The following PRP4K variants were observed in gnomAD, a reference collection of about 807,000 sequenced individuals.
PRP4K encodes the protein pre-mRNA processing factor kinase PRP4K, also known as serine/threonine-protein kinase PRP4 homolog.
At chr6:4,023,172 CAT>C in the PRP4K span, among the ~76,000 whole-genome samples, 1 of 152,170 alleles carries the variant, frequency 6.6e-6, no homozygotes, top group Non-Finnish European at 1.5e-5. Flanking sequence ...GCCTGGTGCT[CAT>C]AGTGAGTCCC....
At chr6:4,061,000 T>C in the PRP4K span, 1 of 237,026 alleles carries the variant, frequency 4.2e-6, no homozygotes, top group South Asian at 5.7e-5. The surrounding 1 kb of genome is among the most constrained non-coding windows in gnomAD (Gnocchi z 4.7). Flanking sequence ...GCTGTTTATA[T>C]TCACGTTTTC....
the PRP4K span, among the ~76,000 whole-genome samples, chr6:4,042,907 G>T: frequency 7.2e-5 from 11 of 152,190 alleles, no homozygotes; most frequent in Admixed American, 7.2e-4. Flanking sequence ...AAAAAATTAT[G>T]CATGTTACTG....
the PRP4K span, among the ~76,000 whole-genome samples, chr6:4,053,759 T>A: frequency 6.6e-6 from 1 of 152,200 alleles, no homozygotes. Flanking sequence ...TTCATTTTTT[T>A]AAAATGGGTT....
the PRP4K span, chr6:4,051,888 A>G: frequency 9.5e-7 from 1 of 1,048,904 alleles, no homozygotes; most frequent in Admixed American, 3.1e-5. Context: ...GGGGCTAGCA[A>G]ATACATTATT....
the PRP4K span, chr6:4,061,409 C>T: frequency 6.6e-6 from 1 of 152,536 alleles, no homozygotes; most frequent in Admixed American, 6.5e-5. Context: ...AATCAACTTG[C>T]TATAGACTTT....
the PRP4K span, among the ~76,000 whole-genome samples, chr6:4,054,459 C>T: frequency 1.1e-5 from 1 of 92,008 alleles, no homozygotes; most frequent in South Asian, 4.0e-4. Context: ...ATGGTAGGTA[C>T]ATTAAAAATG....
chr6:4,024,561 A>T, the PRP4K span, among the ~76,000 whole-genome samples: 1 of 152,098 alleles, frequency 6.6e-6, no homozygotes, highest in Non-Finnish European at 1.5e-5. Flanking sequence ...GTTTGGAAAA[A>T]AATGTGAAAG....
chr6:4,042,448 T>C, the PRP4K span: 1 of 1,480,556 alleles, frequency 6.8e-7, no homozygotes, highest in Non-Finnish European at 9.3e-7. Context: ...AGGGGTATGG[T>C]TTTAGAATCT....
the PRP4K span, chr6:4,021,560 G>C: frequency 1.1e-5 from 17 of 1,515,326 alleles, no homozygotes; most frequent in Middle Eastern, 4.5e-4. Flanking sequence ...GCCTAACGGC[G>C]AGAGTCAAAC....
the PRP4K span, among the ~76,000 whole-genome samples, chr6:4,044,576 G>A: frequency 2.0e-5 from 3 of 152,254 alleles, no homozygotes; most frequent in Non-Finnish European, 4.4e-5. Flanking sequence ...TCGATCTGGT[G>A]CTGTTATTTT....
the PRP4K span, chr6:4,058,653 A>C: frequency 6.1e-6 from 6 of 978,082 alleles, no homozygotes; most frequent in South Asian, 1.4e-5. Context: ...TATTTGACTT[A>C]TTGTATATTA....
chr6:4,040,599 A>G, the PRP4K span, among the ~76,000 whole-genome samples: 1 of 152,250 alleles, frequency 6.6e-6, no homozygotes, highest in African/African-American at 2.4e-5. Flanking sequence ...TCTTTTACTT[A>G]AAATTTTCAA....
chr6:4,038,449 CTT>C, the PRP4K span, among the ~76,000 whole-genome samples: 4 of 144,190 alleles, frequency 2.8e-5, no homozygotes, highest in Non-Finnish European at 1.5e-5. Context: ...CCATGCCCAG[CTT>C]TTTTTTTTTT....
the PRP4K span, chr6:4,037,455 A>G: frequency 1.5e-5 from 24 of 1,614,154 alleles, 1 homozygote; most frequent in Non-Finnish European, 1.9e-5. Context: ...TGCCAGCCCC[A>G]TCAATAGATG....
At chr6:4,027,592 CGG>C in the PRP4K span, among the ~76,000 whole-genome samples, 24 of 7,916 alleles carry the variant, frequency 3.0e-3, 1 homozygote, top group Admixed American at 4.2e-3. Context: ...GCTTATTTGG[CGG>C]AGGGGTGGGG....
At chr6:4,062,686 T>C in the PRP4K span, 1 of 152,556 alleles carries the variant, frequency 6.6e-6, no homozygotes, top group African/African-American at 2.4e-5. The surrounding 1 kb of genome is among the most constrained non-coding windows in gnomAD (Gnocchi z 4.2). Flanking sequence ...AGGAAGGTGA[T>C]AGATGATATA....
At chr6:4,043,494 C>T in the PRP4K span, among the ~76,000 whole-genome samples, 89 of 152,096 alleles carry the variant, frequency 5.9e-4, no homozygotes, top group African/African-American at 1.8e-3. Flanking sequence ...TAATCAAACA[C>T]GTTAATATTT....
At chr6:4,058,889 TA>T in the PRP4K span, 2,925 of 1,109,410 alleles carry the variant, frequency 2.6e-3, no homozygotes, top group South Asian at 3.8e-3. Context: ...GCTGGTGAAT[TA>T]AAAAAAAAAC....
At chr6:4,040,867 A>T in the PRP4K span, 1 of 1,613,992 alleles carries the variant, frequency 6.2e-7, no homozygotes, top group African/African-American at 1.3e-5. Context: ...AAGGAAGATA[A>T]ATTTAAAGGA....
Sources: gnomAD v4.1 joint callset for allele counts (sites outside exome capture counted in the v4.1 genomes callset) on GRCh38, gnomAD v4.1.1 for gene constraint, Gnocchi (gnomAD v3.1) non-coding constraint, MANE v1.5 for transcripts, NCBI Gene and HGNC (gene_info 2026-07-23, HGNC 2026-07-21) for gene names.